Variants in SLC26A4 observed in about 807,000 individuals in gnomAD.
SLC26A4 encodes the protein pendrin.
In SLC26A4, 93 loss-of-function variants were observed where a neutral mutation model predicts 90.4. The observed-to-expected ratio is 1.03, with a 90% confidence interval of 0.87 to 1.22. The LOEUF (loss-of-function observed/expected upper bound fraction) is 1.22. Among genes scored for constraint, SLC26A4 ranks in the 50% most tolerant of loss-of-function variants. SLC26A4 has a pLI of 0.00. For missense variants in SLC26A4, 1,127 were observed against 946.2 expected (o/e 1.19, Z -2.51); for synonymous variants, 393 against 354.6 (o/e 1.11, Z -1.22).
At chr7:107,693,670 C>A in intron 10 of SLC26A4, 1 of 991,400 alleles carries the variant, frequency 1.0e-6, no homozygotes, top group Non-Finnish European at 1.2e-6. Context: ...TAGTATGGAT[C>A]TTAGGAGAGC....
chr7:107,672,004 T>C (rs1445703212), intron 3 of SLC26A4, 134 bp from the exon 4 acceptor site: 11 of 691,392 alleles, frequency 1.6e-5, no homozygotes, highest in Non-Finnish European at 3.0e-5. Context: ...ACTTAAAGTA[T>C]GGTTTCTACT....
At chr7:107,668,551 A>G (rs907667704) in intron 3 of SLC26A4, among the ~76,000 whole-genome samples, 1 of 152,172 alleles carries the variant, frequency 6.6e-6, no homozygotes, top group African/African-American at 2.4e-5. Flanking sequence ...AGCTCAGGTT[A>G]CTGGGAAGCC....
chr7:107,663,335 T>A lies in SLC26A4; in HGVS notation c.204T>A (p.Leu68=). The change falls in exon 3 of 21, where the codon CTT becomes CTA. Residue 68 remains leucine (L), a synonymous_variant. Coordinates refer to ENST00000644269, the MANE Select transcript of SLC26A4 (RefSeq NM_000441.2). ...RKRAFGVLKT[L]VPILEWLPKY... Reference sequence around the variant, plus strand: ...GAGCCTTTGGTGTGCTAAAGACTCTTGTGCCCATCTTGGAGTGGCTCCCCA... The same window carrying A: ...GAGCCTTTGGTGTGCTAAAGACTCTAGTGCCCATCTTGGAGTGGCTCCCCA... 6.2e-7 allele frequency: 1 copy of A among 1,614,192 alleles called. No individual in the cohort carries two copies. The highest frequency in any genetic ancestry group is 8.5e-7 in the Non-Finnish European group (1 of 1,180,018).
In SLC26A4 at chr7:107,675,335, G is replaced by GA. The variant is rs144378387; in HGVS notation, c.765+232dup. On this transcript the variant is annotated intron_variant, in intron 6 of 20. Transcript: ENST00000644269. ...AGAAAGAAAAGAAAAGAAAAAGAAA[G>GA]AAAAAATCCAAAAATCCGAAAATTT... Among the ~76,000 whole-genome samples, 1,421 of 139,702 alleles carry GA rather than the reference G, an allele frequency of 0.01. 17 individuals carry two copies. The highest frequency in any genetic ancestry group is 0.035 in the African/African-American group (1,334 of 38,382). 91.6% of individuals were successfully genotyped at this position (139,702 alleles called of 152,430 possible). A position where few individuals can be genotyped will look rare whatever the true frequency, so the allele number is the denominator to read the frequency against.
intron 13 of SLC26A4, among the ~76,000 whole-genome samples, chr7:107,697,263 G>A (rs1285956833): frequency 5.9e-5 from 9 of 152,186 alleles, no homozygotes; most frequent in Admixed American, 3.9e-4. Flanking sequence ...TTAAAAATCA[G>A]CACAAACCTG....
At chr7:107,662,010 C>CGAT in intron 2 of SLC26A4, 1 of 606,416 alleles carries the variant, frequency 1.6e-6, no homozygotes, top group South Asian at 2.0e-5. Context: ...GTCTCGGGCC[C>CGAT]GAAATGAACT....
chr7:107,678,579 G>C (rs1385243542), intron 6 of SLC26A4, among the ~76,000 whole-genome samples: 1 of 152,198 alleles, frequency 6.6e-6, no homozygotes, highest in Non-Finnish European at 1.5e-5. Context: ...TAAACCAAGT[G>C]CAGTCATTAT....
At chr7:107,668,912 C>G (rs974206393) in intron 3 of SLC26A4, among the ~76,000 whole-genome samples, 1 of 152,160 alleles carries the variant, frequency 6.6e-6, no homozygotes, top group African/African-American at 2.4e-5. Flanking sequence ...TGCTATAAAT[C>G]ATGACTACCA....
chr7:107,712,802 T>C (rs1483723796), intron 20 of SLC26A4, among the ~76,000 whole-genome samples, 180 bp downstream of exon 20: 1 of 152,184 alleles, frequency 6.6e-6, no homozygotes, highest in Non-Finnish European at 1.5e-5. Context: ...AGACATTAAG[T>C]ACTTGGGGAT....
intron 3 of SLC26A4, among the ~76,000 whole-genome samples, chr7:107,667,896 C>G (rs6949189): frequency 0.69 from 105,302 of 152,010 alleles, 38,134 homozygotes; most frequent in African/African-American, 0.92. Context: ...GCATCTCATG[C>G]ATTCTGTGTT....
chr7:107,691,366 G>A (rs956975870), intron 10 of SLC26A4, among the ~76,000 whole-genome samples: 1 of 151,960 alleles, frequency 6.6e-6, no homozygotes, highest in Admixed American at 6.6e-5. Context: ...GCCAGGTGTG[G>A]TGGTAGATGC....
Position 107,715,650 on chromosome 7 carries a change from T to C in SLC26A4, c.*204T>C. On this transcript the variant is annotated 3_prime_UTR_variant, in exon 21 of 21. Coordinates refer to ENST00000644269, the MANE Select transcript of SLC26A4 (RefSeq NM_000441.2). ...AAAATGGCTAGAATTATTCAGACGATTTGGCAGCGTCCAGGGTAAGCTGGT... is the reference window on the plus strand; with the variant it reads ...AAAATGGCTAGAATTATTCAGACGACTTGGCAGCGTCCAGGGTAAGCTGGT... 2 of 605,408 alleles carry C rather than the reference T, an allele frequency of 3.3e-6. No homozygotes were observed. The highest frequency in any genetic ancestry group is 5.9e-6 in the Non-Finnish European group (2 of 337,274). The allele number at this position is 605,408 out of a possible 1,614,324, so 37.5% of individuals were successfully genotyped here.
chr7:107,705,500 C>A (rs1046030586), intron 18 of SLC26A4, among the ~76,000 whole-genome samples: 5 of 152,156 alleles, frequency 3.3e-5, no homozygotes, highest in African/African-American at 1.2e-4. Flanking sequence ...AATTGAATAG[C>A]CTGACAAGGA....
rs897783674 is a variant in SLC26A4, at chr7:107,661,506, G to C, written c.-3-133G>C. 2.9e-6 allele frequency: 3 copies of C among 1,046,058 alleles called. No individual in the cohort carries two copies. Among genetic ancestry groups the C allele is most frequent in the Non-Finnish European group, 2.8e-6 (2 of 711,720 alleles). The allele number at this position is 1,046,058 out of a possible 1,614,324, so 64.8% of individuals were successfully genotyped here. A position where few individuals can be genotyped will look rare whatever the true frequency, so the allele number is the denominator to read the frequency against. On this transcript the variant is annotated intron_variant, in intron 1 of 20. Transcript: ENST00000644269. This position sits in a 1 kb window ranked among gnomAD's most constrained non-coding sequence, Gnocchi z 5.1. The stretch of plus-strand genomic sequence containing the variant: ...GCGAGCGCCGAGGGCTGCAGGACGC[G>C]GACCAGACTCGCGGTGCAGGGGGGC...
chr7:107,663,824 C>T (rs1790640210), intron 3 of SLC26A4, among the ~76,000 whole-genome samples: 1 of 151,932 alleles, frequency 6.6e-6, no homozygotes, highest in South Asian at 2.1e-4. Flanking sequence ...GCTGGGACTA[C>T]AGGCGCCCGC....
chr7:107,662,045 A>G, intron 2 of SLC26A4: 1 of 575,594 alleles, frequency 1.7e-6, no homozygotes, highest in Non-Finnish European at 3.1e-6. Context: ...GCCTTTGGGG[A>G]GAGTGGGTTC....
rs786204421 is a variant in SLC26A4, at chr7:107,663,409, GT to G, written c.279del (p.Ser93ArgfsTer4). 1.1e-5 allele frequency: 17 copies of G among 1,614,130 alleles called. No individual in the cohort carries two copies. The Admixed American group carries it at 1.8e-4, about 17-fold the overall frequency. ...WLLSDVISGV[S>X]TGLVATLQGM... ...CTTAGTGACGTCATTTCGGGAGTTA[GT>G]ACTGGGCTAGTGGCCACGCTGCAAG... On this transcript the variant is annotated frameshift_variant, in exon 3 of 21. Transcript: ENST00000644269. LOFTEE classifies it high-confidence loss of function.
At position 107,691,867 on chromosome 7, in the gene SLC26A4, G is replaced by A. The variant is rs906662174; in HGVS notation, c.1263+1630G>A. The stretch of plus-strand genomic sequence containing the variant: ...CATAGCCAGAGATCTGTGGTCAAGG[G>A]GAAGAGGTCAGAGCCAATTTCCAAA... On this transcript the variant is annotated intron_variant, in intron 10 of 20. Coordinates refer to ENST00000644269, the MANE Select transcript of SLC26A4 (RefSeq NM_000441.2). The A allele has an allele frequency of 3.1e-5, 38 of 1,214,040 alleles. No individual in the cohort carries two copies. The African/African-American group carries it at 5.6e-4, about 18-fold the overall frequency. 75.2% of individuals were successfully genotyped at this position (1,214,040 alleles called of 1,614,324 possible). A position where few individuals can be genotyped will look rare whatever the true frequency, so the allele number is the denominator to read the frequency against.
intron 18 of SLC26A4, among the ~76,000 whole-genome samples, chr7:107,708,535 A>T (rs569278502): frequency 2.6e-5 from 4 of 152,188 alleles, no homozygotes; most frequent in Admixed American, 6.5e-5. Context: ...ATAACCTCTG[A>T]TTGCCAAGCT....
Sources: gnomAD v4.1 joint callset for allele counts (sites outside exome capture counted in the v4.1 genomes callset) on GRCh38, gnomAD v4.1.1 for gene constraint, Gnocchi (gnomAD v3.1) non-coding constraint, MANE v1.5 for transcripts, NCBI Gene and HGNC (gene_info 2026-07-23, HGNC 2026-07-21) for gene names.